Variants in CHRM3 observed in about 807,000 individuals in gnomAD.
The protein encoded by CHRM3 is cholinergic receptor muscarinic 3.
CHRM3 carries 11 observed loss-of-function variants against 41.8 expected under a neutral mutation model. The ratio of observed to expected loss-of-function variants is 0.26; its 90% CI spans 0.17 to 0.44. The LOEUF is 0.44. Among genes scored for constraint, CHRM3 ranks in the 20% least tolerant of loss-of-function variants. The pLI is 1.00. For synonymous variants in CHRM3, 297 were observed against 301.4 expected, an observed-to-expected ratio of 0.99 and a Z score of 0.15; for missense variants, 571 against 745.4, an observed-to-expected ratio of 0.77 and a Z score of 2.72.
intron 6 of CHRM3, among the ~76,000 whole-genome samples, chr1:239,856,120 T>G (rs923952435): frequency 1.3e-5 from 2 of 152,016 alleles, no homozygotes; most frequent in African/African-American, 4.8e-5. Flanking sequence ...AACTGTCCTA[T>G]CTCTATGTTC....
At chr1:239,437,366 A>G (rs2103223840) in intron 1 of CHRM3, among the ~76,000 whole-genome samples, 1 of 152,272 alleles carries the variant, frequency 6.6e-6, no homozygotes, top group East Asian at 1.9e-4. Context: ...TGTTGGGATT[A>G]TAGGCATGAG....
chr1:239,686,087 C>T (rs1327992313), intron 5 of CHRM3, among the ~76,000 whole-genome samples: 6 of 152,188 alleles, frequency 3.9e-5, no homozygotes. Flanking sequence ...CTAATATGCT[C>T]TTTAATAGTC....
At chr1:239,520,038 C>G (rs1669538279) in intron 2 of CHRM3, among the ~76,000 whole-genome samples, 1 of 152,160 alleles carries the variant, frequency 6.6e-6, no homozygotes, top group South Asian at 2.1e-4. Context: ...TACTCTTTCA[C>G]TTTTCTGTCT....
intron 1 of CHRM3, among the ~76,000 whole-genome samples, chr1:239,417,579 G>GTTTTTTTTTTT (rs34926014): frequency 4.9e-5 from 6 of 122,674 alleles, no homozygotes; most frequent in African/African-American, 6.1e-5. Flanking sequence ...AGATTAATTT[G>GTTTTTTTTTTT]TTTTTTTTTT....
chr1:239,394,976 C>A (rs1463639756), intron 1 of CHRM3, among the ~76,000 whole-genome samples: 1 of 152,182 alleles, frequency 6.6e-6, no homozygotes, highest in Non-Finnish European at 1.5e-5. Flanking sequence ...TCTCATCCAC[C>A]TTCATGAGGT....
At chr1:239,567,531 T>A (rs72756762) in intron 3 of CHRM3, among the ~76,000 whole-genome samples, 4,974 of 152,316 alleles carry the variant, frequency 0.033, 103 homozygotes, top group Middle Eastern at 0.058. Context: ...TGTAACCTAC[T>A]GGTTTTAGGT....
intron 5 of CHRM3, among the ~76,000 whole-genome samples, chr1:239,755,778 T>A (rs2148612026): frequency 6.6e-6 from 1 of 152,062 alleles, no homozygotes; most frequent in South Asian, 2.1e-4. Flanking sequence ...CAAGCCAGAG[T>A]GGTTTGCAGC....
intron 6 of CHRM3, among the ~76,000 whole-genome samples, chr1:239,859,413 G>GT (rs1331316835): frequency 0.01 from 1,154 of 113,014 alleles, 8 homozygotes; most frequent in Non-Finnish European, 0.014. Context: ...TGTTGTTGTT[G>GT]TTGTTGTTTT....
intron 5 of CHRM3, among the ~76,000 whole-genome samples, chr1:239,682,625 G>A (rs1443781931): frequency 6.6e-6 from 1 of 151,228 alleles, no homozygotes; most frequent in Non-Finnish European, 1.5e-5. Flanking sequence ...CATGCTATTG[G>A]TTAGGATTCA....
chr1:239,677,477 A>G (rs773381365), intron 4 of CHRM3, among the ~76,000 whole-genome samples: 1 of 152,210 alleles, frequency 6.6e-6, no homozygotes, highest in Non-Finnish European at 1.5e-5. Context: ...TTCACAATCA[A>G]CAGACATTTA....
chr1:239,681,768 G>T (rs181817460), intron 5 of CHRM3, among the ~76,000 whole-genome samples: 1 of 152,084 alleles, frequency 6.6e-6, no homozygotes, highest in African/African-American at 2.4e-5. Flanking sequence ...GTGTGGTGGT[G>T]CACACCTGTA....
chr1:239,794,709 T>C (rs1387550719), intron 5 of CHRM3, among the ~76,000 whole-genome samples: 1 of 152,244 alleles, frequency 6.6e-6, no homozygotes, highest in African/African-American at 2.4e-5. Context: ...TAACAAGCAG[T>C]AGTGTTTCTG....
chr1:239,631,142 G>T (rs551984454), intron 3 of CHRM3, among the ~76,000 whole-genome samples: 1 of 152,242 alleles, frequency 6.6e-6, no homozygotes, highest in African/African-American at 2.4e-5. Flanking sequence ...AATTACTCTT[G>T]TCCCCCATAT....
chr1:239,661,523 C>T (rs7354820), intron 4 of CHRM3, among the ~76,000 whole-genome samples: 1 of 152,018 alleles, frequency 6.6e-6, no homozygotes, highest in Non-Finnish European at 1.5e-5. Flanking sequence ...ATGGAGGACC[C>T]TTAAATGGAT....
chr1:239,603,291 T>C (rs746794754), intron 3 of CHRM3, among the ~76,000 whole-genome samples: 1 of 152,288 alleles, frequency 6.6e-6, no homozygotes, highest in African/African-American at 2.4e-5. Flanking sequence ...GGTGAGAACA[T>C]AGACAAGTTA....
At chr1:239,829,372 G>C (rs571213930) in intron 6 of CHRM3, among the ~76,000 whole-genome samples, 19 of 151,896 alleles carry the variant, frequency 1.3e-4, no homozygotes, top group Non-Finnish European at 2.5e-4. Flanking sequence ...GACTGGGAAG[G>C]CATTAGTTCA....
intron 3 of CHRM3, among the ~76,000 whole-genome samples, chr1:239,603,556 C>G (rs1265141392): frequency 6.6e-6 from 1 of 152,080 alleles, no homozygotes; most frequent in East Asian, 1.9e-4. Context: ...ATAGACAAAG[C>G]CAATGAGGTC....
chr1:239,822,267 A>C (rs994951942), intron 5 of CHRM3, among the ~76,000 whole-genome samples: 2 of 152,200 alleles, frequency 1.3e-5, no homozygotes, highest in Non-Finnish European at 2.9e-5. Context: ...GTAACCAACA[A>C]ATGGTACCCG....
chr1:239,387,349 C>T lies in CHRM3; in HGVS notation c.-521+122C>T, dbSNP rs1172108030. On this transcript the variant is annotated intron_variant, in intron 1 of 6. Transcript: ENST00000676153. This position sits in a 1 kb window ranked among gnomAD's most constrained non-coding sequence, Gnocchi z 5.1. The stretch of plus-strand genomic sequence containing the variant: ...AGTTTTCGGCGCGGGTAGGAGAGGT[C>T]TTGTGTTTGGAGTCCAAAGAAGGGG... 1 of 151,910 alleles carries T rather than the reference C, an allele frequency of 6.6e-6. No individual in the cohort carries two copies. Among genetic ancestry groups the T allele is most frequent in the African/African-American group, 2.4e-5 (1 of 41,342 alleles). 9.4% of individuals were successfully genotyped at this position (151,910 alleles called of 1,614,324 possible). A position where few individuals can be genotyped will look rare whatever the true frequency, so the allele number is the denominator to read the frequency against.
Sources: allele counts gnomAD v4.1 joint callset (sites outside exome capture counted in the v4.1 genomes callset), GRCh38; gene constraint gnomAD v4.1.1; non-coding constraint Gnocchi (gnomAD v3.1); transcripts MANE v1.5; gene names NCBI Gene and HGNC (gene_info 2026-07-23, HGNC 2026-07-21).